The following MAP3K4 variants were observed in gnomAD, a reference collection of about 807,000 sequenced individuals.
MAP3K4 encodes the protein MAP three kinase 1.
Under a neutral mutation model 185.6 loss-of-function variants are expected in MAP3K4, and 67 were observed. The observed-to-expected ratio is 0.36, with a 90% confidence interval of 0.30 to 0.44. The LOEUF (loss-of-function observed/expected upper bound fraction) is 0.44, where lower values mean the gene tolerates loss of function less well. Among genes scored for constraint, MAP3K4 ranks in the 20% least tolerant of loss-of-function variants. The probability of loss-of-function intolerance (pLI) is 1.00; values close to 1 mark genes in which losing one functional copy is unlikely to be tolerated. For missense variants in MAP3K4, 1,551 were observed against 1,995.1 expected, an observed-to-expected ratio of 0.78 and a Z score of 4.24; for synonymous variants, 702 against 710.4, an observed-to-expected ratio of 0.99 and a Z score of 0.19.
In MAP3K4 at chr6:161,087,754, A is replaced by G. The variant is rs1383583627; in HGVS notation, c.2623A>G (p.Ile875Val). 2 of 1,613,958 alleles carry G rather than the reference A, an allele frequency of 1.2e-6. No individual in the cohort carries two copies. The highest frequency in any genetic ancestry group is 1.3e-5 in the African/African-American group (1 of 74,926). ...AGACACTCTTGCTGAGGAGAAGAGTATTATTTTGCAGTTACTCAATGCAGC... is the reference window on the plus strand; with the variant it reads ...AGACACTCTTGCTGAGGAGAAGAGTGTTATTTTGCAGTTACTCAATGCAGC... ...VPDTLAEEKS[I>V]ILQLLNAAAG... The change falls in exon 10 of 27, where the codon ATT becomes GTT. Residue 875 changes from isoleucine (I) to valine (V), a missense_variant. Coordinates refer to ENST00000392142, the MANE Select transcript of MAP3K4 (RefSeq NM_005922.4). This position sits in a 1 kb window ranked among gnomAD's most constrained non-coding sequence, Gnocchi z 4.9.
intron 3 of MAP3K4, among the ~76,000 whole-genome samples, chr6:161,059,644 A>G (rs1193655746): frequency 6.6e-6 from 1 of 152,200 alleles, no homozygotes; most frequent in African/African-American, 2.4e-5. Context: ...TAACTTGTTT[A>G]GGATACTTAA....
chr6:161,102,275 A>G (rs1325425042), intron 18 of MAP3K4, among the ~76,000 whole-genome samples: 1 of 152,210 alleles, frequency 6.6e-6, no homozygotes, highest in Non-Finnish European at 1.5e-5. Context: ...ACTGTTGAAT[A>G]CTTTTATTCA....
chr6:161,040,956 C>T (rs1353748718), intron 2 of MAP3K4, among the ~76,000 whole-genome samples: 1 of 152,214 alleles, frequency 6.6e-6, no homozygotes, highest in Non-Finnish European at 1.5e-5. Flanking sequence ...CCTCCCTAAC[C>T]TGTTGATGTT....
chr6:161,104,855 A>G (rs1777996695), intron 19 of MAP3K4, among the ~76,000 whole-genome samples: 2 of 152,320 alleles, frequency 1.3e-5, no homozygotes, highest in Admixed American at 6.5e-5. Flanking sequence ...GGTAAAGGAA[A>G]CAAACTTGGA....
chr6:161,011,169 GA>G (rs1781827971), intron 1 of MAP3K4, among the ~76,000 whole-genome samples: 1 of 152,206 alleles, frequency 6.6e-6, no homozygotes, highest in African/African-American at 2.4e-5. Flanking sequence ...AGGCCCATGA[GA>G]GGGAAGTCTA....
chr6:161,109,146 CTTTTTTTCCG>C lies in MAP3K4; in HGVS notation c.4236+295_4236+304del, dbSNP rs1407007156. 4.1e-6 allele frequency: 3 copies of C among 724,006 alleles called. No homozygotes were observed. The highest frequency in any genetic ancestry group is 5.0e-5 in the Admixed American group (2 of 39,986). The allele number at this position is 724,006 out of a possible 1,614,324, so 44.8% of individuals were successfully genotyped here. ...ACGCCCCTTACACCACTTCTTGTGACTTTTTTTCCGTTTTTTTGCTGAACCACTGTTGAGT... is the reference window on the plus strand; with the variant it reads ...ACGCCCCTTACACCACTTCTTGTGACTTTTTTTGCTGAACCACTGTTGAGT... On this transcript the variant is annotated intron_variant, in intron 22 of 26. Transcript: ENST00000392142. The surrounding 1 kb of genome is among the most constrained non-coding windows in gnomAD (Gnocchi z 5.7).
rs771755752 is a variant in MAP3K4, at chr6:161,091,399, C to T, written c.2994C>T (p.Cys998=). The T allele has an allele frequency of 6.2e-7, 1 of 1,613,252 alleles. No individual in the cohort carries two copies. The highest frequency in any genetic ancestry group is 8.5e-7 in the Non-Finnish European group (1 of 1,179,654). The change falls in exon 12 of 27, where the codon TGC becomes TGT. Residue 998 remains cysteine (C), a synonymous_variant. Coordinates refer to ENST00000392142, the MANE Select transcript of MAP3K4 (RefSeq NM_005922.4). The surrounding 1 kb of genome is among the most constrained non-coding windows in gnomAD (Gnocchi z 5.5). ...TTCAGAATGATGCATTGGAGCTATG[C>T]AACAGGATAAGCAATGCCATTGACC... ...QQLKNDALEL[C]NRISNAIDRV...
intron 1 of MAP3K4, among the ~76,000 whole-genome samples, chr6:161,029,062 G>A (rs1220623551): frequency 6.6e-6 from 1 of 152,134 alleles, no homozygotes; most frequent in African/African-American, 2.4e-5. Context: ...TATCCCTTCT[G>A]CCTATGTCCC....
In MAP3K4 at chr6:161,106,726, G is replaced by T. The variant is rs763429877; in HGVS notation, c.4048+21G>T. On this transcript the variant is annotated intron_variant, in intron 20 of 26. Coordinates refer to ENST00000392142, the MANE Select transcript of MAP3K4 (RefSeq NM_005922.4). The surrounding 1 kb of genome is among the most constrained non-coding windows in gnomAD (Gnocchi z 4.9). ...AATTGGTAAGGAAATTAAGGAGCAT[G>T]ATGTCAAGATAGTCCCTGTTAGAAG... 1.3e-6 allele frequency: 2 copies of T among 1,583,970 alleles called. No homozygotes were observed. The highest frequency in any genetic ancestry group is 2.3e-5 in the South Asian group (2 of 87,666).
At chr6:161,011,204 C>T (rs1430259772) in intron 1 of MAP3K4, among the ~76,000 whole-genome samples, 1 of 152,154 alleles carries the variant, frequency 6.6e-6, no homozygotes, top group African/African-American at 2.4e-5. Context: ...AAGTAAAATG[C>T]TTTTAAGGAA....
intron 1 of MAP3K4, among the ~76,000 whole-genome samples, chr6:161,032,559 G>A (rs1289277592): frequency 1.3e-5 from 2 of 152,146 alleles, no homozygotes; most frequent in Admixed American, 6.5e-5. Flanking sequence ...TTAAACGTGG[G>A]TCTACTACAC....
Position 161,048,528 on chromosome 6 carries a change from T to A in MAP3K4, c.344-88T>A. 2 of 831,986 alleles carry A rather than the reference T, an allele frequency of 2.4e-6. No individual in the cohort carries two copies. The highest frequency in any genetic ancestry group is 1.8e-6 in the Non-Finnish European group (1 of 549,498). The allele number at this position is 831,986 out of a possible 1,614,324, so 51.5% of individuals were successfully genotyped here. A position where few individuals can be genotyped will look rare whatever the true frequency, so the allele number is the denominator to read the frequency against. On this transcript the variant is annotated intron_variant, in intron 2 of 26. Coordinates refer to ENST00000392142, the MANE Select transcript of MAP3K4 (RefSeq NM_005922.4). The surrounding 1 kb of genome is among the most constrained non-coding windows in gnomAD (Gnocchi z 4.7). ...CATTAGCAGTCTGAAAATATAAATA[T>A]GTGTGAATACCAGTTTTATTGAAAA...
At chr6:161,036,496 C>G (rs1337731690) in intron 2 of MAP3K4, among the ~76,000 whole-genome samples, 2 of 152,178 alleles carry the variant, frequency 1.3e-5, no homozygotes, top group African/African-American at 4.8e-5. Flanking sequence ...TACAGACTCT[C>G]TAGCTTTTTG....
rs1223613974 is a variant in MAP3K4 at position 161,109,611 on chromosome 6, A to C, written c.4237-144A>C. 1 of 778,114 alleles carries C rather than the reference A, an allele frequency of 1.3e-6. No homozygotes were observed. Among genetic ancestry groups the C allele is most frequent in the African/African-American group, 1.7e-5 (1 of 57,768 alleles). The allele number at this position is 778,114 out of a possible 1,614,324, so 48.2% of individuals were successfully genotyped here. The stretch of plus-strand genomic sequence containing the variant: ...CTTAGAAACGACTGTTGTGAGACAC[A>C]TTCAGTGCTCAGGATGGCAAGTGTA... On this transcript the variant is annotated intron_variant, in intron 22 of 26. Coordinates refer to ENST00000392142, the MANE Select transcript of MAP3K4 (RefSeq NM_005922.4). This position sits in a 1 kb window ranked among gnomAD's most constrained non-coding sequence, Gnocchi z 5.7.
chr6:161,091,432 C>T lies in MAP3K4; in HGVS notation c.3027C>T (p.Asp1009=), dbSNP rs1777304611. 1 of 1,613,906 alleles carries T rather than the reference C, an allele frequency of 6.2e-7. No homozygotes were observed. Among genetic ancestry groups the T allele is most frequent in the Non-Finnish European group, 8.5e-7 (1 of 1,179,956 alleles). The change falls in exon 12 of 27, where the codon GAC becomes GAT. Residue 1009 remains aspartate, a synonymous_variant. Coordinates refer to ENST00000392142, the MANE Select transcript of MAP3K4 (RefSeq NM_005922.4). This position sits in a 1 kb window ranked among gnomAD's most constrained non-coding sequence, Gnocchi z 5.5. ...NRISNAIDRV[D]HMFTSEFDAE... is the part of the protein sequence containing the mutation. ...TAAGCAATGCCATTGACCGCGTGGA[C>T]CACATGTTCACATCAGAATTTGATG...
intron 11 of MAP3K4, among the ~76,000 whole-genome samples, chr6:161,090,865 T>C (rs1583219874): frequency 6.6e-6 from 1 of 152,338 alleles, no homozygotes; most frequent in East Asian, 1.9e-4. Context: ...CATATCCCAG[T>C]ACTTCCACTT....
At chr6:161,029,624 A>G (rs1189144383) in intron 1 of MAP3K4, among the ~76,000 whole-genome samples, 2 of 152,220 alleles carry the variant, frequency 1.3e-5, no homozygotes, top group Admixed American at 1.3e-4. Flanking sequence ...AGTAAGACAA[A>G]TGTTTCAGGG....
Position 161,108,819 on chromosome 6 carries a change from AC to A in MAP3K4, c.4200del (p.Asn1401IlefsTer27). 1 of 1,613,886 alleles carries A rather than the reference AC, an allele frequency of 6.2e-7. No homozygotes were observed. The highest frequency in any genetic ancestry group is 8.5e-7 in the Non-Finnish European group (1 of 1,179,960). On this transcript the variant is annotated frameshift_variant, in exon 22 of 27. Transcript: ENST00000392142. LOFTEE classifies it high-confidence loss of function. The surrounding 1 kb of genome is among the most constrained non-coding windows in gnomAD (Gnocchi z 5.7). ...TTGAAAATATTCGAAGGCATCAAAC[AC>A]CCCAATCTGGTTCGGTATTTTGGTG... is the stretch of plus-strand genomic sequence containing the variant. ...DELKIFEGIK[H>X]PNLVRYFGVE...
chr6:160,997,017 T>C (rs1781025238), intron 1 of MAP3K4, among the ~76,000 whole-genome samples: 3 of 152,194 alleles, frequency 2.0e-5, no homozygotes. Context: ...GCTGCTTTTT[T>C]CCCTTGTGTC....
Sources: gnomAD v4.1 joint callset for allele counts (sites outside exome capture counted in the v4.1 genomes callset) on GRCh38, gnomAD v4.1.1 for gene constraint, Gnocchi (gnomAD v3.1) non-coding constraint, MANE v1.5 for transcripts, NCBI Gene and HGNC (gene_info 2026-07-23, HGNC 2026-07-21) for gene names.